The following PBX1 variants were observed in gnomAD, a reference collection of about 807,000 sequenced individuals.
The protein encoded by PBX1 is PBX homeobox 1, also known as pre-B-cell leukemia transcription factor 1.
In PBX1, 6 loss-of-function variants were observed where a neutral mutation model predicts 53.4. The ratio of observed to expected loss-of-function variants is 0.11; its 90% confidence interval spans 0.06 to 0.22. The LOEUF is 0.22. PBX1 is among the 10% of genes least tolerant of loss of function. The pLI, the probability that PBX1 is intolerant of heterozygous loss-of-function variation, is 1.00. For missense variants in PBX1, 251 were observed against 551.4 expected (o/e 0.46, Z 5.46); for synonymous variants, 204 against 212.3 (o/e 0.96, Z 0.34).
At chr1:164,877,474 C>A (rs1049067563) in intron 2 of PBX1, among the ~76,000 whole-genome samples, 1 of 152,040 alleles carries the variant, frequency 6.6e-6, no homozygotes, top group African/African-American at 2.4e-5. Context: ...ACTTGCCTGG[C>A]CAACATGGTG....
chr1:164,694,746 T>A (rs995271027), intron 2 of PBX1, among the ~76,000 whole-genome samples: 1 of 152,242 alleles, frequency 6.6e-6, no homozygotes. Context: ...ATTAGCCAAT[T>A]TGTGTTGATA....
rs1199716574 is a variant in PBX1, at chr1:164,693,201, G to C, written c.266-99293G>C. 4.6e-5 allele frequency among the ~76,000 whole-genome samples: 7 copies of C among 152,336 alleles called. No homozygotes were observed. In the South Asian group the frequency reaches 1.4e-3, roughly 32 times the overall value. On this transcript the variant is annotated intron_variant, in intron 2 of 8. Transcript: ENST00000420696. ...AGAGCAGAGTTTGGATGTACAAGAT[G>C]AGCTGTCTCTGAACTGGCCCTGTGG...
At chr1:164,573,578 G>C (rs557910322) in intron 2 of PBX1, among the ~76,000 whole-genome samples, 2 of 145,174 alleles carry the variant, frequency 1.4e-5, no homozygotes, top group East Asian at 4.1e-4. Context: ...TGCAACCTCT[G>C]CCTCCCGGGT....
chr1:164,647,505 C>A (rs1183294012), intron 2 of PBX1, among the ~76,000 whole-genome samples: 1 of 152,150 alleles, frequency 6.6e-6, no homozygotes, highest in Non-Finnish European at 1.5e-5. Context: ...TAGTTGACCC[C>A]CTGGGCCCCT....
chr1:164,578,558 A>G (rs59822380), intron 2 of PBX1, among the ~76,000 whole-genome samples: 83 of 152,184 alleles, frequency 5.5e-4, no homozygotes, highest in African/African-American at 2.0e-3. Flanking sequence ...AAAAATACAG[A>G]TATGTGTGAG....
intron 2 of PBX1, among the ~76,000 whole-genome samples, chr1:164,667,229 C>A (rs889119204): frequency 6.6e-6 from 1 of 152,008 alleles, no homozygotes; most frequent in Non-Finnish European, 1.5e-5. Flanking sequence ...TTGCACTGGG[C>A]GTGTATTTAG....
chr1:164,566,956 T>A (rs1331812328), intron 2 of PBX1, among the ~76,000 whole-genome samples: 2 of 152,124 alleles, frequency 1.3e-5, no homozygotes, highest in East Asian at 3.9e-4. Flanking sequence ...TTAACACCCT[T>A]TTGTTCTCTC....
chr1:164,646,856 G>A (rs1659483073), intron 2 of PBX1, among the ~76,000 whole-genome samples: 1 of 152,240 alleles, frequency 6.6e-6, no homozygotes, highest in Non-Finnish European at 1.5e-5. Flanking sequence ...GGGTCAGGAT[G>A]TGTAGTGGAA....
chr1:164,866,357 T>C (rs1230095527), intron 2 of PBX1, among the ~76,000 whole-genome samples: 1 of 152,238 alleles, frequency 6.6e-6, no homozygotes, highest in East Asian at 1.9e-4. Flanking sequence ...CAGCTCAGCC[T>C]ATTGCCTAGA....
intron 2 of PBX1, among the ~76,000 whole-genome samples, chr1:164,583,144 T>C (rs958943502): frequency 6.6e-6 from 1 of 152,232 alleles, no homozygotes; most frequent in Non-Finnish European, 1.5e-5. Context: ...TATTGTACTC[T>C]AGCTGGATAA....
At chr1:164,784,385 C>T (rs1333640127) in intron 2 of PBX1, among the ~76,000 whole-genome samples, 1 of 152,234 alleles carries the variant, frequency 6.6e-6, no homozygotes, top group Non-Finnish European at 1.5e-5. Flanking sequence ...TCCCTGCCAG[C>T]TGGCCCAGGG....
At chr1:164,728,027 TAAGAG>T (rs1234838523) in intron 2 of PBX1, among the ~76,000 whole-genome samples, 1 of 152,110 alleles carries the variant, frequency 6.6e-6, no homozygotes, top group Non-Finnish European at 1.5e-5. Flanking sequence ...TGGTTATAGT[TAAGAG>T]AGGTGAGCCA....
chr1:164,584,733 AG>A (rs1654838310), intron 2 of PBX1, among the ~76,000 whole-genome samples: 1 of 152,146 alleles, frequency 6.6e-6, no homozygotes, highest in South Asian at 2.1e-4. Flanking sequence ...TAATCAGACT[AG>A]GAAGCTGGCT....
At chr1:164,654,885 C>T (rs1463996210) in intron 2 of PBX1, among the ~76,000 whole-genome samples, 1 of 152,124 alleles carries the variant, frequency 6.6e-6, no homozygotes, top group Non-Finnish European at 1.5e-5. Context: ...CCATCAGGAG[C>T]TTGTGATTGG....
chr1:164,679,627 C>T (rs369784930), intron 2 of PBX1, among the ~76,000 whole-genome samples: 1 of 152,268 alleles, frequency 6.6e-6, no homozygotes, highest in Admixed American at 6.5e-5. Context: ...TGAAACCCAA[C>T]ACCTGTATTG....
chr1:164,651,307 C>CGGTTTGCATTGTG (rs1220477023), intron 2 of PBX1, among the ~76,000 whole-genome samples: 3 of 151,762 alleles, frequency 2.0e-5, no homozygotes, highest in Non-Finnish European at 4.4e-5. Context: ...TGCAAGCTGT[C>CGGTTTGCATTGTG]GGTTTGCATT....
At chr1:164,616,292 C>G (rs1056544602) in intron 2 of PBX1, among the ~76,000 whole-genome samples, 1 of 118,488 alleles carries the variant, frequency 8.4e-6, no homozygotes, top group Non-Finnish European at 1.9e-5. Flanking sequence ...ATTCTCTGTG[C>G]CTTCTGCTGC....
intron 2 of PBX1, among the ~76,000 whole-genome samples, chr1:164,618,297 CG>C (rs141131624): frequency 0.042 from 755 of 18,090 alleles, 8 homozygotes; most frequent in African/African-American, 0.11. Flanking sequence ...ATAATCACGG[CG>C]GGGGGGGGGG....
At chr1:164,642,921 T>C (rs539274438) in intron 2 of PBX1, 143 of 152,260 alleles carry the variant, frequency 9.4e-4, no homozygotes, top group African/African-American at 3.3e-3. Flanking sequence ...AGTTGATGTT[T>C]TATTTTAAGA....
Sources: allele counts gnomAD v4.1 joint callset (sites outside exome capture counted in the v4.1 genomes callset), GRCh38; gene constraint gnomAD v4.1.1; transcripts MANE v1.5; gene names NCBI Gene and HGNC (gene_info 2026-07-23, HGNC 2026-07-21).